TNPO3: variants seen among roughly 807,000 people sequenced by gnomAD.
The protein encoded by TNPO3 is transportin-3.
TNPO3 carries 65 observed loss-of-function variants against 122.8 expected under a neutral mutation model. That is an observed-to-expected ratio of 0.53 (90% CI 0.43 to 0.65). The LOEUF is 0.65. Among genes scored for constraint, TNPO3 ranks in the 30% least tolerant of loss-of-function variants. TNPO3 has a pLI of 0.00. For synonymous variants in TNPO3, 372 were observed against 411.2 expected, an observed-to-expected ratio of 0.90 and a Z score of 1.15; for missense variants, 850 against 1,136.7, an observed-to-expected ratio of 0.75 and a Z score of 3.63.
At chr7:129,048,764 G>A (rs6977916) in intron 1 of TNPO3, among the ~76,000 whole-genome samples, 119 of 152,170 alleles carry the variant, frequency 7.8e-4, no homozygotes, top group African/African-American at 2.4e-3. Flanking sequence ...AATAAAACTC[G>A]CAGATAAAGA....
At chr7:128,970,872 C>T (rs1183438368) in intron 19 of TNPO3, 2 of 152,028 alleles carry the variant, frequency 1.3e-5, no homozygotes, top group Non-Finnish European at 2.9e-5. Flanking sequence ...ATGTGGTGAC[C>T]TCCCAGGAGT....
chr7:128,979,083 G>A lies in TNPO3; in HGVS notation c.1961C>T (p.Ala654Val), dbSNP rs760634627. ...VLSETLNKHR[A>V]DNRIVERCCR... The stretch of plus-strand genomic sequence containing the variant: ...ACAACGCTCTACAATCCGATTATCA[G>A]CTCGGTGCTTATTTAGAGTCTCGGA... Residue 654 changes from alanine (A) to valine (V), a missense_variant, in exon 16 of 23, where the codon GCT becomes GTT. Physicochemically the swap from Ala to Val is moderately conservative, Grantham distance 64. Transcript: ENST00000265388. 9.3e-6 allele frequency: 15 copies of A among 1,614,202 alleles called. No individual in the cohort carries two copies. In the East Asian group the frequency reaches 2.9e-4, roughly 31 times the overall value.
rs188168905 is a variant in TNPO3, at chr7:128,967,382, C to G, written c.2609G>C (p.Arg870Pro). The G allele has an allele frequency of 6.2e-7, 1 of 1,611,742 alleles. No individual in the cohort carries two copies. The highest frequency in any genetic ancestry group is 8.5e-7 in the Non-Finnish European group (1 of 1,177,940). ...ACCTTTTAAGGAATTTTCTAACCATCGACAAAAAGTCTGTATAGGAAAGAG... is the reference window on the plus strand; with the variant it reads ...ACCTTTTAAGGAATTTTCTAACCATGGACAAAAAGTCTGTATAGGAAAGAG... ...IMQVDRPTFC[R>P]WLENSLKGLP... The change falls in exon 21 of 23, where the codon CGA becomes CCA. Residue 870 changes from arginine to proline, a missense_variant. Transcript: ENST00000265388.
At chr7:128,984,713 C>T (rs970567050) in intron 12 of TNPO3, among the ~76,000 whole-genome samples, 2 of 152,216 alleles carry the variant, frequency 1.3e-5, no homozygotes, top group African/African-American at 2.4e-5. Flanking sequence ...TTCACTCTTA[C>T]ACCATAACAC....
chr7:129,002,636 G>A (rs1212698130), intron 5 of TNPO3, among the ~76,000 whole-genome samples: 4 of 152,062 alleles, frequency 2.6e-5, no homozygotes, highest in Admixed American at 1.3e-4. Flanking sequence ...GTCAGTGTTC[G>A]AGCTGGGCAT....
At chr7:128,980,773 C>CA (rs533120563) in intron 14 of TNPO3, among the ~76,000 whole-genome samples, 1 of 152,096 alleles carries the variant, frequency 6.6e-6, no homozygotes, top group African/African-American at 2.4e-5. Context: ...TCCTAATTAA[C>CA]AAAAAAATAT....
intron 22 of TNPO3, among the ~76,000 whole-genome samples, chr7:128,956,395 C>G (rs1455700020): frequency 6.6e-6 from 1 of 152,180 alleles, no homozygotes; most frequent in Non-Finnish European, 1.5e-5. Context: ...CCAAATTCTA[C>G]TACCCACTCC....
chr7:129,024,855 C>A (rs1170305075), intron 1 of TNPO3, among the ~76,000 whole-genome samples: 3 of 151,936 alleles, frequency 2.0e-5, no homozygotes, highest in Non-Finnish European at 4.4e-5. Flanking sequence ...TTTGAAAAAT[C>A]TGCCACGTGT....
chr7:128,963,914 G>A (rs576136709), intron 21 of TNPO3, among the ~76,000 whole-genome samples: 7 of 152,270 alleles, frequency 4.6e-5, no homozygotes, highest in East Asian at 1.9e-4. Flanking sequence ...GTTATGAAAC[G>A]AAAAGAAAAG....
At position 129,018,128 on chromosome 7, in the gene TNPO3, C is replaced by T; in HGVS notation, c.150G>A (p.Leu50=). ...SVHAWEISDQ[L]LQIRQDVESC... Reference sequence around the variant, plus strand: ...ACTCCACATCCTGCCGGATCTGTAACAACTGGTCTGAGATCTCCCATGCAT... The same window carrying T: ...ACTCCACATCCTGCCGGATCTGTAATAACTGGTCTGAGATCTCCCATGCAT... Residue 50 remains leucine (L), a synonymous_variant, in exon 2 of 23, where the codon TTG becomes TTA. Transcript: ENST00000265388. 1 of 1,614,160 alleles carries T rather than the reference C, an allele frequency of 6.2e-7. No homozygotes were observed. The highest frequency in any genetic ancestry group is 1.1e-5 in the South Asian group (1 of 91,084).
intron 1 of TNPO3, among the ~76,000 whole-genome samples, chr7:129,025,107 C>T (rs776790803): frequency 3.3e-5 from 5 of 151,702 alleles, no homozygotes; most frequent in African/African-American, 4.8e-5. Context: ...CCTGCACTTT[C>T]GGAGGCCAAG....
At chr7:128,971,041 A>G (rs1248323841) in intron 19 of TNPO3, 2 of 151,872 alleles carry the variant, frequency 1.3e-5, no homozygotes, top group African/African-American at 4.9e-5. Context: ...AGTCACAACA[A>G]AACAAAACAA....
chr7:128,998,989 G>A (rs536038523), intron 7 of TNPO3, among the ~76,000 whole-genome samples: 98 of 152,118 alleles, frequency 6.4e-4, no homozygotes, highest in East Asian at 1.2e-3. Context: ...GAGTAGCTGC[G>A]ATTACAGGTG....
At chr7:128,997,282 G>T in intron 8 of TNPO3, 107 bp downstream of exon 8, 1 of 1,268,034 alleles carries the variant, frequency 7.9e-7, no homozygotes, top group Non-Finnish European at 1.1e-6. Context: ...ACAGGCATGA[G>T]CCAGGGTGCC....
intron 1 of TNPO3, among the ~76,000 whole-genome samples, chr7:129,035,779 A>G (rs1806577160): frequency 6.6e-6 from 1 of 152,166 alleles, no homozygotes; most frequent in Admixed American, 6.5e-5. Flanking sequence ...GATGTGATTG[A>G]GTAAAAATGA....
In TNPO3 at chr7:129,007,035, G is replaced by T. The variant is rs143804446; in HGVS notation, c.553-1876C>A. ...CTTCCAGGCCATTACATTTCAGGGG[G>T]AGGAAGAAAAGTACATGAAAAATAA... On this transcript the variant is annotated intron_variant, in intron 4 of 22. Transcript: ENST00000265388. 5.3e-5 allele frequency among the ~76,000 whole-genome samples: 8 copies of T among 152,214 alleles called. 1 individual carries two copies. The highest frequency in any genetic ancestry group is 1.9e-4 in the African/African-American group (8 of 41,536).
At chr7:129,025,937 C>T (rs1805100274) in intron 1 of TNPO3, among the ~76,000 whole-genome samples, 2 of 152,032 alleles carry the variant, frequency 1.3e-5, no homozygotes, top group South Asian at 4.1e-4. Flanking sequence ...ACCAGCCTGG[C>T]CAACATGGTA....
rs868525222 is a variant in TNPO3 at position 128,985,649 on chromosome 7, A to G, written c.1690+1080T>C. On this transcript the variant is annotated intron_variant, in intron 12 of 22. Transcript: ENST00000265388. ...CCATTTTCTACATCTATTAGATACC[A>G]CTGAAAATTGGGAGGCCACATTGTA... Among the ~76,000 whole-genome samples the G allele has an allele frequency of 2.0e-5, 3 of 152,196 alleles. No individual in the cohort carries two copies. The South Asian group carries it at 6.2e-4, about 31-fold the overall frequency.
chr7:129,055,974 G>A (rs763505955), upstream of TNPO3: 19 of 747,052 alleles, frequency 2.5e-5, no homozygotes, highest in Non-Finnish European at 4.1e-5. Flanking sequence ...AATAAAACCC[G>A]TTTTAGGCGC....
Sources: gnomAD v4.1 joint callset for allele counts (sites outside exome capture counted in the v4.1 genomes callset) on GRCh38, gnomAD v4.1.1 for gene constraint, MANE v1.5 for transcripts, NCBI Gene and HGNC (gene_info 2026-07-23, HGNC 2026-07-21) for gene names.